Variants in STAM2 observed in about 807,000 individuals in gnomAD.
STAM2 encodes the protein signal transducing adapter molecule 2.
Under a neutral mutation model 65.6 loss-of-function variants are expected in STAM2, and 51 were observed. That is an observed-to-expected ratio of 0.78 (90% CI 0.62 to 0.98). The LOEUF is 0.98. STAM2 is among the 50% of genes least tolerant of loss of function. The pLI, the probability that STAM2 is intolerant of heterozygous loss-of-function variation, is 0.00. For synonymous variants in STAM2, 198 were observed against 208.4 expected, an observed-to-expected ratio of 0.95 and a Z score of 0.43; for missense variants, 584 against 617.8, an observed-to-expected ratio of 0.95 and a Z score of 0.58.
intron 8 of STAM2, among the ~76,000 whole-genome samples, chr2:152,134,403 T>G (rs1689115932): frequency 6.6e-6 from 1 of 152,190 alleles, no homozygotes; most frequent in South Asian, 2.1e-4. Context: ...CCTATCTACT[T>G]AGAGAGTCAG....
intron 7 of STAM2, among the ~76,000 whole-genome samples, chr2:152,141,276 C>T (rs1689242001): frequency 6.6e-6 from 1 of 152,076 alleles, no homozygotes; most frequent in South Asian, 2.1e-4. Flanking sequence ...TGGCTCACGC[C>T]TGTAATCCCA....
rs2105524524 is a variant in STAM2 at position 152,120,441 on chromosome 2, G to C, written c.*133C>G. On this transcript the variant is annotated 3_prime_UTR_variant, in exon 14 of 14. Transcript: ENST00000263904. ...CCTTTTATGGCCTTGTAGAATAAGA[G>C]AGGTTTTTGTGCTTTATTTATTCAT... 8 of 653,714 alleles carry C rather than the reference G, an allele frequency of 1.2e-5. No homozygotes were observed. The South Asian group carries it at 1.8e-4, about 15-fold the overall frequency. 40.5% of individuals were successfully genotyped at this position (653,714 alleles called of 1,614,324 possible).
rs536999696 is a variant in STAM2 at position 152,150,303 on chromosome 2, C to T, written c.41-74G>A. 5.4e-5 allele frequency: 52 copies of T among 963,588 alleles called. No homozygotes were observed. The South Asian group carries it at 7.7e-4, about 14-fold the overall frequency. 59.7% of individuals were successfully genotyped at this position (963,588 alleles called of 1,614,324 possible). A position where few individuals can be genotyped will look rare whatever the true frequency, so the allele number is the denominator to read the frequency against. ...CACTAAAATACCAGTAAAGGTCCAA[C>T]AGTTAAGAAATCCTACCTTTTCTAT... On this transcript the variant is annotated intron_variant, in intron 1 of 13. Transcript: ENST00000263904.
intron 1 of STAM2, among the ~76,000 whole-genome samples, chr2:152,153,682 C>T (rs1407324379): frequency 6.6e-6 from 1 of 152,112 alleles, no homozygotes; most frequent in Non-Finnish European, 1.5e-5. Flanking sequence ...CACCTTCTTC[C>T]CTTGTGCCAA....
chr2:152,166,640 A>C (rs1356572336), intron 1 of STAM2, among the ~76,000 whole-genome samples: 1 of 152,134 alleles, frequency 6.6e-6, no homozygotes, highest in Admixed American at 6.5e-5. Flanking sequence ...TTATCAGGTA[A>C]CTTAAGAGAA....
At chr2:152,135,360 G>C in intron 8 of STAM2, 149 bp downstream of exon 8, 2 of 608,746 alleles carry the variant, frequency 3.3e-6, no homozygotes, top group East Asian at 3.0e-5. Flanking sequence ...CCCTTAATTT[G>C]GTTAAAAAGT....
intron 7 of STAM2, among the ~76,000 whole-genome samples, chr2:152,139,569 A>C (rs1421619449): frequency 6.6e-6 from 1 of 152,182 alleles, no homozygotes; most frequent in Non-Finnish European, 1.5e-5. Flanking sequence ...CCTATCTATA[A>C]AAACAAGAAA....
intron 1 of STAM2, among the ~76,000 whole-genome samples, chr2:152,161,183 G>T (rs1388509445): frequency 6.6e-6 from 1 of 151,744 alleles, no homozygotes; most frequent in Non-Finnish European, 1.5e-5. Context: ...GGATCCTGTT[G>T]ATCTGTGACC....
rs772022511 is a variant in STAM2 at position 152,144,970 on chromosome 2, G to A, written c.448-13C>T. 12 of 1,602,016 alleles carry A rather than the reference G, an allele frequency of 7.5e-6. No individual in the cohort carries two copies. In the South Asian group the frequency reaches 1.1e-4, roughly 15 times the overall value. On this transcript the variant is annotated splice_polypyrimidine_tract_variant and intron_variant, in intron 5 of 13. Transcript: ENST00000263904. ...CAGCTGAGACAGTCTGTAAATGTAT[G>A]AGTAAAATGAACACAACTATCTTTT...
At chr2:152,139,045 T>C (rs2105541102) in intron 7 of STAM2, among the ~76,000 whole-genome samples, 1 of 152,298 alleles carries the variant, frequency 6.6e-6, no homozygotes, top group African/African-American at 2.4e-5. Context: ...TTCCCAGCCC[T>C]AATCCAGCTC....
At chr2:152,161,779 A>C (rs1301789470) in intron 1 of STAM2, among the ~76,000 whole-genome samples, 1 of 152,148 alleles carries the variant, frequency 6.6e-6, no homozygotes, top group East Asian at 1.9e-4. Context: ...TGGGGAAAGC[A>C]GCAATACACA....
Position 152,175,675 on chromosome 2 carries a change from C to G in STAM2, c.-33G>C, listed in dbSNP as rs1193434483. Reference sequence around the variant, plus strand: ...GCGCCCGAGCCCTAGTCGCTGCTGTCTAGCTGACACTCAGCAACTGCTACC... The same window carrying G: ...GCGCCCGAGCCCTAGTCGCTGCTGTGTAGCTGACACTCAGCAACTGCTACC... On this transcript the variant is annotated 5_prime_UTR_variant, in exon 1 of 14. Coordinates refer to ENST00000263904, the MANE Select transcript of STAM2 (RefSeq NM_005843.6). 6.3e-7 allele frequency: 1 copy of G among 1,597,892 alleles called. No homozygotes were observed. The highest frequency in any genetic ancestry group is 1.1e-5 in the South Asian group (1 of 88,944).
chr2:152,173,553 T>C (rs747421394), intron 1 of STAM2, among the ~76,000 whole-genome samples: 6 of 151,786 alleles, frequency 4.0e-5, no homozygotes, highest in Non-Finnish European at 7.4e-5. Context: ...CGCGCCACCA[T>C]GCCTGGCTAA....
chr2:152,151,134 C>A (rs1255431307), intron 1 of STAM2, among the ~76,000 whole-genome samples: 6 of 147,176 alleles, frequency 4.1e-5, no homozygotes, highest in Non-Finnish European at 6.0e-5. Flanking sequence ...AACGCTGAGT[C>A]AAAAAAGCTA....
chr2:152,161,882 G>A (rs146148481), intron 1 of STAM2, among the ~76,000 whole-genome samples: 3 of 152,120 alleles, frequency 2.0e-5, no homozygotes, highest in African/African-American at 7.2e-5. Context: ...GAGTGAAATG[G>A]CACGATCTTG....
intron 1 of STAM2, among the ~76,000 whole-genome samples, chr2:152,159,742 CTCTCCCTCTCTTTCCACGG>C (rs1689624670): frequency 6.6e-6 from 1 of 152,146 alleles, no homozygotes; most frequent in Non-Finnish European, 1.5e-5. Flanking sequence ...CACAGTCTCC[CTCTCCCTCTCTTTCCACGG>C]TCTCCCTCTG....
At chr2:152,167,714 G>T (rs924450325) in intron 1 of STAM2, among the ~76,000 whole-genome samples, 2 of 147,786 alleles carry the variant, frequency 1.4e-5, no homozygotes, top group African/African-American at 5.1e-5. Context: ...GGACAACATG[G>T]TGAAACCTCA....
At chr2:152,153,299 C>CAT (rs996986403) in intron 1 of STAM2, among the ~76,000 whole-genome samples, 12 of 150,726 alleles carry the variant, frequency 8.0e-5, no homozygotes, top group African/African-American at 1.5e-4. Context: ...GCAAAACATA[C>CAT]ATATATATAT....
In STAM2 at chr2:152,121,317, G is replaced by C. The variant is rs370669515; in HGVS notation, c.1350-515C>G. ...ATTTGGTAAGAAGAGAGAGGTACTT[G>C]AAAACAAACAAAATGTAAGATTCTA... On this transcript the variant is annotated intron_variant, in intron 13 of 13. Coordinates refer to ENST00000263904, the MANE Select transcript of STAM2 (RefSeq NM_005843.6). Among the ~76,000 whole-genome samples, 10 of 152,208 alleles carry C rather than the reference G, an allele frequency of 6.6e-5. No homozygotes were observed. The South Asian group carries it at 1.9e-3, about 28-fold the overall frequency.
Sources: allele counts gnomAD v4.1 joint callset (sites outside exome capture counted in the v4.1 genomes callset), GRCh38; gene constraint gnomAD v4.1.1; transcripts MANE v1.5; gene names NCBI Gene and HGNC (gene_info 2026-07-23, HGNC 2026-07-21).